The following KCNIP4 variants were observed in gnomAD, a reference collection of about 807,000 sequenced individuals.
KCNIP4 encodes the protein potassium voltage-gated channel interacting protein 4.
In KCNIP4, 12 loss-of-function variants were observed where a neutral mutation model predicts 34.0. That is an observed-to-expected ratio of 0.35 (90% CI 0.23 to 0.57). KCNIP4 has a LOEUF of 0.57. Ranked by LOEUF, KCNIP4 falls within the 20% of genes least tolerant of loss-of-function variation. The pLI is 0.83. For missense variants in KCNIP4, 238 were observed against 311.7 expected, an observed-to-expected ratio of 0.76 and a Z score of 1.78; for synonymous variants, 124 against 102.2, an observed-to-expected ratio of 1.21 and a Z score of -1.29.
rs192769405 is a variant in KCNIP4 at position 21,933,758 on chromosome 4, T to A, written c.61+14813A>T. ...ATAGTTTGCCTCTGAGCTGCCTAAGTACTTGCTAATTTAATAGGATGATGG... is the reference window on the plus strand; with the variant it reads ...ATAGTTTGCCTCTGAGCTGCCTAAGAACTTGCTAATTTAATAGGATGATGG... On this transcript the variant is annotated intron_variant, in intron 1 of 8. Coordinates refer to ENST00000382152, the MANE Select transcript of KCNIP4 (RefSeq NM_025221.6). Among the ~76,000 whole-genome samples, 711 of 152,208 alleles carry A rather than the reference T, an allele frequency of 4.7e-3. 15 individuals are homozygous for A. Among genetic ancestry groups the A allele is most frequent in the Non-Finnish European group, 5.5e-3 (374 of 67,986 alleles).
At chr4:21,107,464 C>T (rs1748675702) in intron 1 of KCNIP4, among the ~76,000 whole-genome samples, 1 of 151,218 alleles carries the variant, frequency 6.6e-6, no homozygotes, top group Non-Finnish European at 1.5e-5. Flanking sequence ...AGATTTTCCT[C>T]CATCCTTTTA....
intron 1 of KCNIP4, among the ~76,000 whole-genome samples, chr4:21,068,911 T>C (rs1017890569): frequency 1.3e-5 from 2 of 152,222 alleles, no homozygotes; most frequent in African/African-American, 4.8e-5. Flanking sequence ...AGATGTGTTA[T>C]TGTATATGAA....
At chr4:21,282,867 C>T (rs1319342527) in intron 1 of KCNIP4, among the ~76,000 whole-genome samples, 4 of 152,052 alleles carry the variant, frequency 2.6e-5, no homozygotes, top group East Asian at 1.9e-4. Flanking sequence ...TCACTTTCAG[C>T]GGTTAAAATA....
At chr4:21,891,983 G>T (rs1315329645) in intron 1 of KCNIP4, among the ~76,000 whole-genome samples, 3 of 152,020 alleles carry the variant, frequency 2.0e-5, no homozygotes, top group East Asian at 1.9e-4. Flanking sequence ...AAGGCTGGGG[G>T]TGATTTCTGT....
intron 1 of KCNIP4, among the ~76,000 whole-genome samples, chr4:21,281,295 C>T (rs1200762079): frequency 6.6e-6 from 1 of 151,936 alleles, no homozygotes; most frequent in Non-Finnish European, 1.5e-5. Context: ...ACCATATTAG[C>T]CAGGTTGGCC....
chr4:21,793,445 A>G (rs1290810915), intron 1 of KCNIP4, among the ~76,000 whole-genome samples: 2 of 151,964 alleles, frequency 1.3e-5, no homozygotes, highest in African/African-American at 4.8e-5. Context: ...TTTTGTACAG[A>G]TAAGATTTCA....
chr4:21,783,490 T>A (rs977801108), intron 1 of KCNIP4, among the ~76,000 whole-genome samples: 1 of 152,078 alleles, frequency 6.6e-6, no homozygotes, highest in East Asian at 1.9e-4. Flanking sequence ...TGAATAATTA[T>A]CCCAAGTGCT....
chr4:21,720,504 T>A (rs1479374046), intron 1 of KCNIP4, among the ~76,000 whole-genome samples: 1 of 146,840 alleles, frequency 6.8e-6, no homozygotes, highest in African/African-American at 2.5e-5. Flanking sequence ...GAGCTGTTGT[T>A]TTTTTTCCCC....
At chr4:20,769,177 T>C (rs1020802932) in intron 3 of KCNIP4, among the ~76,000 whole-genome samples, 2 of 151,262 alleles carry the variant, frequency 1.3e-5, no homozygotes, top group Non-Finnish European at 2.9e-5. Context: ...CAGGAAACAA[T>C]AGCATCTTAT....
At position 21,011,133 on chromosome 4, in the gene KCNIP4, C is replaced by G. The variant is rs541538241; in HGVS notation, c.62-128424G>C. Among the ~76,000 whole-genome samples the G allele has an allele frequency of 3.8e-3, 578 of 152,328 alleles. 4 individuals are homozygous for G. Among genetic ancestry groups the G allele is most frequent in the Non-Finnish European group, 6.1e-3 (418 of 68,026 alleles). Reference sequence around the variant, plus strand: ...GCAGTGAGAGAGGAGGAGGAAAATACAGTCATTAAAAACATATATAAGTAA... The same window carrying G: ...GCAGTGAGAGAGGAGGAGGAAAATAGAGTCATTAAAAACATATATAAGTAA... On this transcript the variant is annotated intron_variant, in intron 1 of 8. Coordinates refer to ENST00000382152, the MANE Select transcript of KCNIP4 (RefSeq NM_025221.6).
chr4:21,775,981 C>T (rs973949367), intron 1 of KCNIP4, among the ~76,000 whole-genome samples: 1 of 152,180 alleles, frequency 6.6e-6, no homozygotes, highest in Non-Finnish European at 1.5e-5. Context: ...ACCCCTCACT[C>T]CAGGAGTTCA....
chr4:21,072,511 TTTTG>T (rs1745052826), intron 1 of KCNIP4, among the ~76,000 whole-genome samples: 2 of 151,706 alleles, frequency 1.3e-5, no homozygotes, highest in South Asian at 2.1e-4. Context: ...GTAAAAAAAA[TTTTG>T]TTTAAGTTCT....
At chr4:21,715,528 A>T (rs1714305829) in intron 1 of KCNIP4, among the ~76,000 whole-genome samples, 1 of 152,136 alleles carries the variant, frequency 6.6e-6, no homozygotes, top group African/African-American at 2.4e-5. Context: ...CTCCTTAGTG[A>T]ACTGAACAAA....
chr4:20,935,669 T>C (rs1730988656), intron 1 of KCNIP4, among the ~76,000 whole-genome samples: 1 of 152,168 alleles, frequency 6.6e-6, no homozygotes, highest in Non-Finnish European at 1.5e-5. Flanking sequence ...TAAAATATGG[T>C]TTCCCTTACA....
chr4:21,486,967 T>A (rs1459243488), intron 1 of KCNIP4, among the ~76,000 whole-genome samples: 1 of 151,908 alleles, frequency 6.6e-6, no homozygotes, highest in Non-Finnish European at 1.5e-5. Context: ...CTGGCTAATT[T>A]TTTTTTTATT....
intron 3 of KCNIP4, among the ~76,000 whole-genome samples, chr4:20,826,580 C>T (rs542866437): frequency 6.6e-6 from 1 of 150,408 alleles, no homozygotes; most frequent in African/African-American, 2.5e-5. Context: ...CAGAGTGAGA[C>T]CTTGTCTCAA....
chr4:21,223,146 C>A (rs113597573), intron 1 of KCNIP4, among the ~76,000 whole-genome samples: 11 of 152,182 alleles, frequency 7.2e-5, no homozygotes, highest in African/African-American at 2.4e-4. Flanking sequence ...AGACAAATCA[C>A]AGGGGTCCTT....
intron 1 of KCNIP4, among the ~76,000 whole-genome samples, chr4:21,835,104 C>G (rs1723238641): frequency 6.6e-6 from 1 of 151,966 alleles, no homozygotes; most frequent in African/African-American, 2.4e-5. Context: ...AAGTGAAAAG[C>G]AAAATTTTAA....
intron 1 of KCNIP4, among the ~76,000 whole-genome samples, chr4:21,404,006 C>G (rs1587120): frequency 0.67 from 101,560 of 152,058 alleles, 35,221 homozygotes; most frequent in African/African-American, 0.85. Flanking sequence ...ATTTTGAAGA[C>G]ACACAGGCAT....
Sources: gnomAD v4.1 joint callset for allele counts (sites outside exome capture counted in the v4.1 genomes callset) on GRCh38, gnomAD v4.1.1 for gene constraint, MANE v1.5 for transcripts, NCBI Gene and HGNC (gene_info 2026-07-23, HGNC 2026-07-21) for gene names.